UBA2: variants seen among roughly 807,000 people sequenced by gnomAD.
UBA2 encodes the protein ubiquitin like modifier activating enzyme 2.
Under a neutral mutation model 77.2 loss-of-function variants are expected in UBA2, and 11 were observed. The observed-to-expected ratio is 0.14, with a 90% CI of 0.09 to 0.24. The LOEUF (loss-of-function observed/expected upper bound fraction) is 0.24. Among genes scored for constraint, UBA2 ranks in the 10% least tolerant of loss-of-function variants. The pLI, the probability that UBA2 is intolerant of heterozygous loss-of-function variation, is 1.00. For synonymous variants in UBA2, 278 were observed against 276.7 expected, an observed-to-expected ratio of 1.00 and a Z score of -0.05; for missense variants, 487 against 781.7, an observed-to-expected ratio of 0.62 and a Z score of 4.50.
At chr19:34,430,783 G>A in intron 2 of UBA2, 124 bp downstream of exon 2, 1 of 701,536 alleles carries the variant, frequency 1.4e-6, no homozygotes, top group Non-Finnish European at 2.5e-6. Flanking sequence ...CTGAGAGATT[G>A]TGAAGGATAA....
intron 12 of UBA2, among the ~76,000 whole-genome samples, chr19:34,457,180 ATATATATAT>A (rs1428117514): frequency 4.0e-4 from 16 of 39,984 alleles, no homozygotes; most frequent in Middle Eastern, 0.013. Context: ...AAAAAAAAAA[ATATATATAT>A]ATATATATAT....
At chr19:34,433,214 T>C in intron 3 of UBA2, 134 bp from the exon 4 acceptor site, 2 of 607,140 alleles carry the variant, frequency 3.3e-6, no homozygotes, top group Admixed American at 3.1e-5. Context: ...CAAACCTTAC[T>C]ATCTATATGA....
intron 6 of UBA2, among the ~76,000 whole-genome samples, chr19:34,443,156 A>G (rs1188357222): frequency 1.3e-5 from 2 of 152,088 alleles, no homozygotes; most frequent in Admixed American, 6.6e-5. Flanking sequence ...CTAGATGGGG[A>G]CTCTGCACCT....
At chr19:34,457,592 C>G (rs2075582317) in intron 12 of UBA2, among the ~76,000 whole-genome samples, 2 of 152,120 alleles carry the variant, frequency 1.3e-5, no homozygotes, top group Non-Finnish European at 2.9e-5. Flanking sequence ...CTTCCACCTA[C>G]CAGTATTCAT....
At chr19:34,447,307 G>C (rs1045484377) in intron 8 of UBA2, among the ~76,000 whole-genome samples, 1 of 152,100 alleles carries the variant, frequency 6.6e-6, no homozygotes, top group African/African-American at 2.4e-5. Flanking sequence ...CCAGTCCACT[G>C]ACTCAAATAT....
chr19:34,459,007 A>G (rs911588688), intron 13 of UBA2, 83 bp downstream of exon 13: 21 of 1,393,248 alleles, frequency 1.5e-5, no homozygotes, highest in Admixed American at 4.6e-5. Context: ...GCTGATTCTG[A>G]AAAGGTCCAA....
intron 2 of UBA2, among the ~76,000 whole-genome samples, chr19:34,431,510 G>A (rs1046160491): frequency 6.6e-6 from 1 of 151,840 alleles, no homozygotes; most frequent in Non-Finnish European, 1.5e-5. Context: ...TGACATGTAC[G>A]TTGTATAGTT....
chr19:34,429,323 C>A, intron 1 of UBA2: 1 of 884,800 alleles, frequency 1.1e-6, no homozygotes, highest in Non-Finnish European at 1.4e-6. Flanking sequence ...TCTACTAATG[C>A]AAACTTTTTA....
intron 14 of UBA2, 82 bp downstream of exon 14, chr19:34,460,648 G>A: frequency 2.0e-6 from 2 of 1,000,460 alleles, no homozygotes; most frequent in Non-Finnish European, 3.0e-6. Context: ...TTTACTGTAT[G>A]TGATACTCAG....
At chr19:34,435,421 A>G (rs2075298063) in intron 5 of UBA2, among the ~76,000 whole-genome samples, 1 of 152,194 alleles carries the variant, frequency 6.6e-6, no homozygotes, top group Non-Finnish European at 1.5e-5. Context: ...AAAATGCTAT[A>G]AACGTGCTCA....
At chr19:34,440,554 C>T (rs2075357772) in intron 6 of UBA2, among the ~76,000 whole-genome samples, 1 of 152,094 alleles carries the variant, frequency 6.6e-6, no homozygotes, top group African/African-American at 2.4e-5. Context: ...CAAAACCTGT[C>T]AAGGCCATTA....
At chr19:34,467,465 CAAAAAAAA>C (rs35373946) in intron 16 of UBA2, among the ~76,000 whole-genome samples, 1 of 110,150 alleles carries the variant, frequency 9.1e-6, no homozygotes, top group Non-Finnish European at 2.0e-5. Flanking sequence ...GACCATGTCT[CAAAAAAAA>C]AAAAAAAAAA....
intron 8 of UBA2, among the ~76,000 whole-genome samples, chr19:34,449,464 TTAG>T (rs2075469178): frequency 6.6e-6 from 1 of 152,302 alleles, no homozygotes; most frequent in East Asian, 1.9e-4. Flanking sequence ...GGATGCTCAG[TTAG>T]TATTGATGGA....
intron 15 of UBA2, among the ~76,000 whole-genome samples, chr19:34,464,692 T>G (rs900044193): frequency 6.6e-6 from 1 of 152,166 alleles, no homozygotes; most frequent in Non-Finnish European, 1.5e-5. Context: ...GCAAATTCAT[T>G]GTAGTAATTA....
chr19:34,463,579 GATT>G, intron 14 of UBA2, among the ~76,000 whole-genome samples: 9 of 8,770 alleles, frequency 1.0e-3, no homozygotes, highest in Non-Finnish European at 9.0e-3. Flanking sequence ...TTTTGGGATT[GATT>G]GATTGATTGA....
Position 34,452,003 on chromosome 19 carries a change from T to A in UBA2, c.894T>A (p.Asp298Glu). The A allele has an allele frequency of 6.3e-7, 1 of 1,588,852 alleles. No individual in the cohort carries two copies. The highest frequency in any genetic ancestry group is 8.6e-7 in the Non-Finnish European group (1 of 1,167,514). ...TAGGAGAAGAAACGAATGCATCAGA[T>A]CAACAGAATGAACCCCAGTTAGGCC... ...QSQGEETNAS[D>E]QQNEPQLGLK... The change falls in exon 10 of 17, where the codon GAT (aspartate) becomes GAA (glutamate). Residue 298 changes from aspartate to glutamate, a missense_variant. Physicochemically the swap from Asp to Glu is conservative, Grantham distance 45. Transcript: ENST00000246548.
At chr19:34,446,545 C>T (rs977584266) in intron 8 of UBA2, among the ~76,000 whole-genome samples, 2 of 152,030 alleles carry the variant, frequency 1.3e-5, no homozygotes, top group Non-Finnish European at 2.9e-5. Context: ...ACTGCTCTCC[C>T]CAGCTTGTAT....
At chr19:34,436,586 G>A (rs989641884) in intron 5 of UBA2, among the ~76,000 whole-genome samples, 1 of 152,008 alleles carries the variant, frequency 6.6e-6, no homozygotes, top group Non-Finnish European at 1.5e-5. Context: ...GGTGTGAGCC[G>A]CCATGCCTGG....
intron 8 of UBA2, among the ~76,000 whole-genome samples, chr19:34,445,517 G>A (rs563958018): frequency 3.0e-4 from 43 of 144,662 alleles, no homozygotes; most frequent in African/African-American, 1.0e-3. Context: ...TCGGCTCACT[G>A]CAGCCCCGCC....
Sources: allele counts gnomAD v4.1 joint callset (sites outside exome capture counted in the v4.1 genomes callset), GRCh38; gene constraint gnomAD v4.1.1; transcripts MANE v1.5; gene names NCBI Gene and HGNC (gene_info 2026-07-23, HGNC 2026-07-21).